Variants in CDC42BPA observed in about 807,000 individuals in gnomAD.
CDC42BPA encodes the protein CDC42 binding protein kinase alpha, also known as serine/threonine-protein kinase MRCK alpha.
CDC42BPA carries 80 observed loss-of-function variants against 223.5 expected under a neutral mutation model. The ratio of observed to expected loss-of-function variants is 0.36; its 90% CI spans 0.30 to 0.43. The LOEUF is 0.43. CDC42BPA is among the 20% of genes least tolerant of loss of function. The probability of loss-of-function intolerance (pLI) is 1.00; values close to 1 mark genes in which losing one functional copy is unlikely to be tolerated. For missense variants in CDC42BPA, 1,743 were observed against 2,099.9 expected (o/e 0.83, Z 3.32); for synonymous variants, 694 against 718.6 (o/e 0.97, Z 0.55).
At chr1:227,180,754 T>C (rs1029500835) in intron 5 of CDC42BPA, among the ~76,000 whole-genome samples, 2 of 152,248 alleles carry the variant, frequency 1.3e-5, no homozygotes, top group Non-Finnish European at 2.9e-5. Flanking sequence ...CGCATGATAA[T>C]CGAACATAAC....
chr1:227,254,976 T>C (rs1682798536), intron 1 of CDC42BPA, among the ~76,000 whole-genome samples: 1 of 152,066 alleles, frequency 6.6e-6, no homozygotes, highest in Non-Finnish European at 1.5e-5. Context: ...AAATAATCCA[T>C]GGTAAAGAAT....
At chr1:227,098,939 A>G (rs115687093) in intron 15 of CDC42BPA, among the ~76,000 whole-genome samples, 2,146 of 150,926 alleles carry the variant, frequency 0.014, 55 homozygotes, top group African/African-American at 0.047. Context: ...TTAGTCCATA[A>G]TGCATTAGTC....
chr1:227,270,686 T>C (rs2718215), intron 1 of CDC42BPA, among the ~76,000 whole-genome samples: 46,856 of 152,102 alleles, frequency 0.31, 7,403 homozygotes, highest in East Asian at 0.37. Flanking sequence ...ATTTCTACAA[T>C]TTCATCACCC....
At chr1:227,256,763 T>C (rs568252621) in intron 1 of CDC42BPA, among the ~76,000 whole-genome samples, 12 of 152,212 alleles carry the variant, frequency 7.9e-5, no homozygotes, top group African/African-American at 2.6e-4. Context: ...AAGCTAAACA[T>C]AGATTTACCA....
intron 3 of CDC42BPA, among the ~76,000 whole-genome samples, chr1:227,205,126 GTGGGAGGTACT>G (rs1014215204): frequency 6.6e-6 from 1 of 151,790 alleles, no homozygotes; most frequent in African/African-American, 2.4e-5. Flanking sequence ...GGGTGTGGTG[GTGGGAGGTACT>G]TGGGAGGTAC....
intron 10 of CDC42BPA, among the ~76,000 whole-genome samples, chr1:227,135,855 C>CAAAAAAAAA (rs1175091904): frequency 7.6e-4 from 5 of 6,594 alleles, no homozygotes; most frequent in Non-Finnish European, 1.7e-3. Flanking sequence ...CTCTGTCTCC[C>CAAAAAAAAA]AAAAAAAAAA....
At chr1:227,303,152 G>T (rs75060709) in intron 1 of CDC42BPA, among the ~76,000 whole-genome samples, 4,020 of 152,084 alleles carry the variant, frequency 0.026, 78 homozygotes, top group Non-Finnish European at 0.041. Flanking sequence ...TTAATTACGA[G>T]AACTAAAACA....
intron 2 of CDC42BPA, among the ~76,000 whole-genome samples, chr1:227,236,161 T>C (rs1678979232): frequency 6.6e-6 from 1 of 152,202 alleles, no homozygotes; most frequent in South Asian, 2.1e-4. Context: ...TTGCAGACTA[T>C]ATATCCCAAC....
At chr1:226,999,949 G>T (rs11588329) in intron 35 of CDC42BPA, among the ~76,000 whole-genome samples, 24,907 of 149,628 alleles carry the variant, frequency 0.17, 2,459 homozygotes, top group Non-Finnish European at 0.21. Context: ...GGGCCTGTTG[G>T]GGGGTGGGGG....
intron 27 of CDC42BPA, among the ~76,000 whole-genome samples, chr1:227,033,039 ACTTAT>A (rs1423032797): frequency 1.3e-5 from 2 of 152,234 alleles, no homozygotes; most frequent in Non-Finnish European, 2.9e-5. Flanking sequence ...GAAACCTCAC[ACTTAT>A]CTAATTTTCC....
At chr1:227,228,933 T>C (rs1677332222) in intron 2 of CDC42BPA, among the ~76,000 whole-genome samples, 1 of 152,226 alleles carries the variant, frequency 6.6e-6, no homozygotes, top group African/African-American at 2.4e-5. Context: ...CCTCATCAGA[T>C]ACATGATTTG....
intron 2 of CDC42BPA, among the ~76,000 whole-genome samples, chr1:227,243,756 T>TCA (rs5781477): frequency 0.087 from 12,724 of 146,544 alleles, 572 homozygotes; most frequent in South Asian, 0.15. Context: ...AAAAGATTTG[T>TCA]CACACACACA....
intron 17 of CDC42BPA, among the ~76,000 whole-genome samples, chr1:227,076,213 T>TG (rs1553326198): frequency 6.6e-6 from 1 of 151,020 alleles, no homozygotes; most frequent in Non-Finnish European, 1.5e-5. Context: ...TCCACCTCAT[T>TG]AAAAAAAAAT....
chr1:227,228,623 G>C (rs377607094), intron 2 of CDC42BPA, among the ~76,000 whole-genome samples: 1 of 151,998 alleles, frequency 6.6e-6, no homozygotes, highest in Admixed American at 6.6e-5. Flanking sequence ...TTTACAAAGT[G>C]GTTACACTAT....
At chr1:227,180,409 G>A (rs186346590) in intron 5 of CDC42BPA, 75 of 152,206 alleles carry the variant, frequency 4.9e-4, no homozygotes, top group African/African-American at 1.8e-3. Context: ...CAAGCTTAAA[G>A]CATTATATAT....
At chr1:227,053,553 G>C (rs12566316) in intron 21 of CDC42BPA, among the ~76,000 whole-genome samples, 25 of 152,178 alleles carry the variant, frequency 1.6e-4, no homozygotes, top group African/African-American at 5.8e-4. Context: ...CTGATTTCAT[G>C]AAACTAGTAT....
chr1:227,138,775 G>A (rs1315405027), intron 10 of CDC42BPA, among the ~76,000 whole-genome samples: 1 of 152,090 alleles, frequency 6.6e-6, no homozygotes, highest in Non-Finnish European at 1.5e-5. Context: ...ATACAAAGTT[G>A]TATTCAAACA....
At chr1:227,276,868 T>C (rs577687071) in intron 1 of CDC42BPA, among the ~76,000 whole-genome samples, 1 of 152,178 alleles carries the variant, frequency 6.6e-6, no homozygotes, top group Non-Finnish European at 1.5e-5. Context: ...AACAGATGCT[T>C]GAAGGCAGCA....
chr1:227,058,046 A>AT (rs1479131592), intron 21 of CDC42BPA, among the ~76,000 whole-genome samples: 1 of 152,194 alleles, frequency 6.6e-6, no homozygotes, highest in East Asian at 1.9e-4. Flanking sequence ...TCCCTTCTAG[A>AT]GGTTATGTAA....
Sources: gnomAD v4.1 joint callset for allele counts (sites outside exome capture counted in the v4.1 genomes callset) on GRCh38, gnomAD v4.1.1 for gene constraint, MANE v1.5 for transcripts, NCBI Gene and HGNC (gene_info 2026-07-23, HGNC 2026-07-21) for gene names.